The following DTNB variants were observed in gnomAD, a reference collection of about 807,000 sequenced individuals.
DTNB encodes DTN-B.
A neutral mutation model predicts 90.7 loss-of-function variants in DTNB; 63 were observed. That is an observed-to-expected ratio of 0.69 (90% CI 0.57 to 0.86). DTNB has a LOEUF of 0.86. DTNB is among the 40% of genes least tolerant of loss of function. The pLI is 0.00. For missense variants in DTNB, 744 were observed against 807.1 expected, an observed-to-expected ratio of 0.92 and a Z score of 0.95; for synonymous variants, 277 against 286.7, an observed-to-expected ratio of 0.97 and a Z score of 0.34.
At position 25,560,937 on chromosome 2, in the gene DTNB, ATTC is replaced by A. The variant is rs960471304; in HGVS notation, c.876+15898_876+15900del. 3.3e-5 allele frequency among the ~76,000 whole-genome samples: 5 copies of A among 152,112 alleles called. No homozygotes were observed. In the South Asian group the frequency reaches 6.2e-4, roughly 19 times the overall value. Reference sequence around the variant, plus strand: ...CTGTTAATACATATGTCCTCTCTGAATTCTTCTTCAGCAACTGTTCTCCCACCC... The same window carrying A: ...CTGTTAATACATATGTCCTCTCTGAATTCTTCAGCAACTGTTCTCCCACCC... On this transcript the variant is annotated intron_variant, in intron 8 of 20. Transcript: ENST00000406818.
chr2:25,544,149 G>T (rs907685481), intron 8 of DTNB, among the ~76,000 whole-genome samples: 1 of 152,202 alleles, frequency 6.6e-6, no homozygotes, highest in African/African-American at 2.4e-5. Flanking sequence ...CTCAGGGCTC[G>T]CGGGTTGGGT....
intron 12 of DTNB, 80 bp downstream of exon 12, chr2:25,451,468 A>T (rs1423026656): frequency 3.2e-5 from 45 of 1,416,372 alleles, no homozygotes; most frequent in Non-Finnish European, 4.3e-5. Flanking sequence ...CCTAAATTTC[A>T]TGTCTACTAT....
intron 9 of DTNB, among the ~76,000 whole-genome samples, chr2:25,497,938 A>T (rs963254079): frequency 1.3e-5 from 2 of 152,124 alleles, no homozygotes; most frequent in African/African-American, 4.8e-5. Flanking sequence ...TCACAGCTAA[A>T]ATCACTTTCC....
chr2:25,395,517 CATAA>C (rs1352647369), intron 16 of DTNB, among the ~76,000 whole-genome samples: 7 of 149,006 alleles, frequency 4.7e-5, no homozygotes, highest in African/African-American at 1.7e-4. Flanking sequence ...TATTTATGTA[CATAA>C]ATATATAAAT....
chr2:25,577,143 A>T (rs1281086550), intron 7 of DTNB, 139 bp from the exon 8 acceptor site: 2 of 1,068,600 alleles, frequency 1.9e-6, no homozygotes, highest in Non-Finnish European at 2.6e-6. Flanking sequence ...AAAGGTAAAA[A>T]TAAAAGTAGA....
At chr2:25,626,518 A>G (rs2148694518) in intron 4 of DTNB, among the ~76,000 whole-genome samples, 1 of 152,320 alleles carries the variant, frequency 6.6e-6, no homozygotes, top group East Asian at 1.9e-4. Context: ...AATGCCAGCT[A>G]CTAGAGAGGC....
rs114453105 is a variant in DTNB at position 25,405,685 on chromosome 2, T to C, written c.1575+13830A>G. ...GGTTACATTTTAAATGGTTATATAG[T>C]ACCTACATAATATCTGGTTTGGCCT... On this transcript the variant is annotated intron_variant, in intron 16 of 20. Transcript: ENST00000406818. Among the ~76,000 whole-genome samples the C allele has an allele frequency of 5.9e-3, 894 of 152,284 alleles. 7 individuals carry two copies. Among genetic ancestry groups the C allele is most frequent in the African/African-American group, 0.02 (851 of 41,546 alleles).
At chr2:25,630,359 T>A (rs1466336108) in intron 3 of DTNB, among the ~76,000 whole-genome samples, 2 of 152,210 alleles carry the variant, frequency 1.3e-5, no homozygotes, top group Non-Finnish European at 1.5e-5. Context: ...ACAGGTCCCA[T>A]ACGACCCAGC....
intron 8 of DTNB, among the ~76,000 whole-genome samples, chr2:25,539,231 T>A (rs2080577955): frequency 6.6e-6 from 1 of 152,246 alleles, no homozygotes; most frequent in African/African-American, 2.4e-5. Context: ...TGTCTCTTAG[T>A]GGCCATGTAT....
At chr2:25,500,992 G>A (rs916337013) in intron 9 of DTNB, among the ~76,000 whole-genome samples, 1 of 152,174 alleles carries the variant, frequency 6.6e-6, no homozygotes, top group African/African-American at 2.4e-5. Flanking sequence ...CCGAAAAGCA[G>A]AGAAAACAGA....
chr2:25,633,620 C>T (rs201709690), intron 3 of DTNB, among the ~76,000 whole-genome samples: 5 of 151,802 alleles, frequency 3.3e-5, no homozygotes, highest in East Asian at 1.9e-4. Context: ...TCTGCCTAGC[C>T]GCCCATCGTC....
intron 12 of DTNB, among the ~76,000 whole-genome samples, chr2:25,445,518 T>C (rs970756335): frequency 6.6e-6 from 1 of 152,248 alleles, no homozygotes; most frequent in Admixed American, 6.5e-5. Context: ...TCTATTTCCC[T>C]ATGAAGATAA....
intron 4 of DTNB, among the ~76,000 whole-genome samples, chr2:25,626,587 C>T (rs2074210292): frequency 6.6e-6 from 1 of 152,096 alleles, no homozygotes; most frequent in Admixed American, 6.5e-5. Context: ...CACAGCAAGA[C>T]CCCATCTCAA....
chr2:25,491,640 T>C (rs569869372), intron 9 of DTNB, among the ~76,000 whole-genome samples: 1 of 152,266 alleles, frequency 6.6e-6, no homozygotes, highest in Non-Finnish European at 1.5e-5. Flanking sequence ...CAGACTCTTT[T>C]TCCCCTTCAC....
chr2:25,601,498 A>T (rs1302249196), intron 5 of DTNB, among the ~76,000 whole-genome samples: 1 of 152,224 alleles, frequency 6.6e-6, no homozygotes, highest in Non-Finnish European at 1.5e-5. Context: ...AGCCACCATC[A>T]TCACATATGT....
At chr2:25,603,715 T>C (rs2066412225) in intron 5 of DTNB, among the ~76,000 whole-genome samples, 1 of 151,434 alleles carries the variant, frequency 6.6e-6, no homozygotes, top group African/African-American at 2.4e-5. Context: ...GAAAACTTAA[T>C]ATAACAGGAG....
intron 12 of DTNB, among the ~76,000 whole-genome samples, chr2:25,443,004 G>A (rs2057768621): frequency 6.6e-6 from 1 of 152,098 alleles, no homozygotes; most frequent in Non-Finnish European, 1.5e-5. Context: ...AACATCTGGA[G>A]GAAAAAGACT....
chr2:25,523,183 G>T (rs969012602), intron 9 of DTNB, among the ~76,000 whole-genome samples: 2 of 152,014 alleles, frequency 1.3e-5, no homozygotes, highest in African/African-American at 4.8e-5. Flanking sequence ...TATAAAACTG[G>T]CTTCTTCACT....
At chr2:25,576,678 G>T in intron 8 of DTNB, 160 bp downstream of exon 8, 1 of 901,476 alleles carries the variant, frequency 1.1e-6, no homozygotes, top group Non-Finnish European at 1.5e-6. Context: ...ATCAAGTGAG[G>T]AAGCACAACA....
Sources: gnomAD v4.1 joint callset for allele counts (sites outside exome capture counted in the v4.1 genomes callset) on GRCh38, gnomAD v4.1.1 for gene constraint, MANE v1.5 for transcripts, NCBI Gene and HGNC (gene_info 2026-07-23, HGNC 2026-07-21) for gene names.